Variants in MLLT3 observed in about 807,000 individuals in gnomAD.
The protein encoded by MLLT3 is MLLT3 super elongation complex subunit, also known as protein AF-9.
A neutral mutation model predicts 53.2 loss-of-function variants in MLLT3; 4 were observed. The ratio of observed to expected loss-of-function variants is 0.08; its 90% CI spans 0.04 to 0.17. The LOEUF is 0.17. Ranked by LOEUF, MLLT3 falls within the 10% of genes least tolerant of loss-of-function variation. MLLT3 has a pLI of 1.00. For missense variants in MLLT3, 569 were observed against 684.0 expected, an observed-to-expected ratio of 0.83 and a Z score of 1.87; for synonymous variants, 283 against 230.6, an observed-to-expected ratio of 1.23 and a Z score of -2.06.
chr9:20,451,375 C>T (rs182372326), intron 3 of MLLT3, among the ~76,000 whole-genome samples: 68 of 152,260 alleles, frequency 4.5e-4, no homozygotes, highest in Admixed American at 1.6e-3. Flanking sequence ...GAAGAATACA[C>T]ATTAATTACC....
At chr9:20,544,781 C>T (rs1281098895) in intron 2 of MLLT3, among the ~76,000 whole-genome samples, 1 of 151,954 alleles carries the variant, frequency 6.6e-6, no homozygotes, top group Non-Finnish European at 1.5e-5. Context: ...ATATTTGTAC[C>T]CCCACGTTCA....
At chr9:20,603,784 T>C (rs1820497433) in intron 2 of MLLT3, among the ~76,000 whole-genome samples, 1 of 152,072 alleles carries the variant, frequency 6.6e-6, no homozygotes, top group Non-Finnish European at 1.5e-5. Context: ...CAGTTTTCAC[T>C]GATAAAGTAC....
At chr9:20,447,706 T>G (rs1228261478) in intron 4 of MLLT3, among the ~76,000 whole-genome samples, 1 of 152,210 alleles carries the variant, frequency 6.6e-6, no homozygotes, top group Non-Finnish European at 1.5e-5. Flanking sequence ...ATACCTTTTT[T>G]AATAATTGTG....
intron 2 of MLLT3, among the ~76,000 whole-genome samples, chr9:20,598,101 G>C (rs1313707199): frequency 6.6e-6 from 1 of 152,140 alleles, no homozygotes. Context: ...AACAGCTTGA[G>C]CTAAAGAAGA....
chr9:20,356,500 C>G (rs1821174533), intron 8 of MLLT3, among the ~76,000 whole-genome samples: 1 of 152,034 alleles, frequency 6.6e-6, no homozygotes, highest in Admixed American at 6.6e-5. Flanking sequence ...AGATGGCACT[C>G]CTCGCCAACT....
intron 2 of MLLT3, among the ~76,000 whole-genome samples, chr9:20,509,137 A>T (rs1377898574): frequency 2.0e-5 from 3 of 152,280 alleles, no homozygotes; most frequent in African/African-American, 7.2e-5. Flanking sequence ...TTCCATGAAG[A>T]TCTAATGAAC....
At chr9:20,496,534 C>T (rs1297249220) in intron 2 of MLLT3, among the ~76,000 whole-genome samples, 5 of 152,156 alleles carry the variant, frequency 3.3e-5, no homozygotes, top group African/African-American at 1.2e-4. Context: ...GTTCATAACA[C>T]GCACTGTAAA....
chr9:20,413,748 C>A lies in MLLT3; in HGVS notation c.1098G>T (p.Val366=). 1 of 1,609,160 alleles carries A rather than the reference C, an allele frequency of 6.2e-7. No individual in the cohort carries two copies. Among genetic ancestry groups the A allele is most frequent in the Non-Finnish European group, 8.5e-7 (1 of 1,178,070 alleles). Residue 366 remains valine, a synonymous_variant, in exon 5 of 11, where the codon GTG becomes GTT. Coordinates refer to ENST00000380338, the MANE Select transcript of MLLT3 (RefSeq NM_004529.4). Reference sequence around the variant, plus strand: ...CAGATTTAGAGGATATATTCTCCTCCACATCTGAATCATTGGGATCCACAA... The same window carrying A: ...CAGATTTAGAGGATATATTCTCCTCAACATCTGAATCATTGGGATCCACAA... The part of the protein sequence containing the change: ...DDIVDPNDSD[V]EENISSKSDS...
At chr9:20,543,251 T>C (rs1158540264) in intron 2 of MLLT3, among the ~76,000 whole-genome samples, 1 of 152,252 alleles carries the variant, frequency 6.6e-6, no homozygotes, top group African/African-American at 2.4e-5. Flanking sequence ...GCTGGCTAAC[T>C]ACTTGGTACA....
intron 5 of MLLT3, among the ~76,000 whole-genome samples, chr9:20,377,406 G>A (rs1821795153): frequency 1.3e-5 from 2 of 152,012 alleles, no homozygotes; most frequent in South Asian, 4.2e-4. Flanking sequence ...TGGCTACAGG[G>A]CTCAGTACTG....
chr9:20,437,119 T>TA (rs558143356), intron 4 of MLLT3, among the ~76,000 whole-genome samples: 23 of 151,212 alleles, frequency 1.5e-4, no homozygotes, highest in Non-Finnish European at 2.2e-4. Flanking sequence ...TCCATTGCAT[T>TA]AAAAAAAAAT....
intron 2 of MLLT3, among the ~76,000 whole-genome samples, chr9:20,566,857 G>A (rs530646207): frequency 2.6e-4 from 39 of 152,158 alleles, no homozygotes; most frequent in African/African-American, 9.2e-4. Flanking sequence ...ATGATCACTG[G>A]TTAGCCAGCA....
chr9:20,511,881 C>T (rs945216373), intron 2 of MLLT3, among the ~76,000 whole-genome samples: 2 of 152,104 alleles, frequency 1.3e-5, no homozygotes, highest in Non-Finnish European at 2.9e-5. Context: ...CCACAGCAGA[C>T]ATTAATAATC....
intron 8 of MLLT3, among the ~76,000 whole-genome samples, chr9:20,357,143 T>G (rs558841169): frequency 2.4e-4 from 36 of 152,252 alleles, no homozygotes; most frequent in Non-Finnish European, 4.9e-4. Flanking sequence ...CTGGATAGAC[T>G]CTTTTTAATT....
intron 1 of MLLT3, 196 bp downstream of exon 1, chr9:20,622,049 G>A (rs1200746996): frequency 1.9e-6 from 1 of 513,710 alleles, no homozygotes; most frequent in Non-Finnish European, 2.4e-6. Flanking sequence ...GTGTGTCTGT[G>A]TGTCTGTGTG....
At chr9:20,350,223 C>T (rs996059335) in intron 10 of MLLT3, among the ~76,000 whole-genome samples, 4 of 152,176 alleles carry the variant, frequency 2.6e-5, no homozygotes, top group Non-Finnish European at 4.4e-5. Context: ...TTGACCTTGA[C>T]GTCATTACTC....
chr9:20,579,339 T>A (rs966987932), intron 2 of MLLT3, among the ~76,000 whole-genome samples: 1 of 151,844 alleles, frequency 6.6e-6, no homozygotes, highest in Non-Finnish European at 1.5e-5. Context: ...CGCCACTACA[T>A]TCCAGCCTGG....
chr9:20,467,856 C>G (rs73648216), intron 2 of MLLT3, among the ~76,000 whole-genome samples: 2 of 152,306 alleles, frequency 1.3e-5, no homozygotes, highest in African/African-American at 4.8e-5. Context: ...ATGTATGCTG[C>G]TGAAGCTTAC....
intron 2 of MLLT3, among the ~76,000 whole-genome samples, chr9:20,492,988 A>C (rs1225955337): frequency 6.6e-6 from 1 of 151,900 alleles, no homozygotes; most frequent in Non-Finnish European, 1.5e-5. Context: ...TGAATGTCAC[A>C]AGTCAGTTTA....
Sources: gnomAD v4.1 joint callset for allele counts (sites outside exome capture counted in the v4.1 genomes callset) on GRCh38, gnomAD v4.1.1 for gene constraint, MANE v1.5 for transcripts, NCBI Gene and HGNC (gene_info 2026-07-23, HGNC 2026-07-21) for gene names.